Variants in RAD54B observed in about 807,000 individuals in gnomAD.
The protein encoded by RAD54B is DNA repair and recombination protein RAD54B.
Under a neutral mutation model 95.8 loss-of-function variants are expected in RAD54B, and 78 were observed. The observed-to-expected ratio is 0.81, with a 90% CI of 0.68 to 0.98. The LOEUF is 0.98. Ranked by LOEUF, RAD54B falls within the 50% of genes least tolerant of loss-of-function variation. The pLI is 0.00. For synonymous variants in RAD54B, 328 were observed against 354.9 expected (o/e 0.92, Z 0.85); for missense variants, 957 against 1,056.6 (o/e 0.91, Z 1.31).
At chr8:94,470,630 C>T (rs374323855) in intron 1 of RAD54B, among the ~76,000 whole-genome samples, 5 of 149,324 alleles carry the variant, frequency 3.3e-5, no homozygotes, top group Admixed American at 1.3e-4. Context: ...TGGTGGTACA[C>T]GCCTGTAATC....
chr8:94,448,182 CATT>C (rs1369600434), intron 3 of RAD54B, among the ~76,000 whole-genome samples: 15 of 152,016 alleles, frequency 9.9e-5, no homozygotes, highest in Non-Finnish European at 4.4e-5. Context: ...GGCTGAATGT[CATT>C]ATTATTTCAA....
chr8:94,427,056 T>C (rs530189186), intron 3 of RAD54B, among the ~76,000 whole-genome samples: 7 of 152,296 alleles, frequency 4.6e-5, no homozygotes, highest in Admixed American at 1.3e-4. Flanking sequence ...ATACTTACTA[T>C]AACTATCTTT....
intron 1 of RAD54B, among the ~76,000 whole-genome samples, chr8:94,472,352 C>T (rs1216081493): frequency 6.6e-6 from 1 of 152,104 alleles, no homozygotes; most frequent in African/African-American, 2.4e-5. Flanking sequence ...AATTGATTAA[C>T]GGTAACTGTC....
In RAD54B at chr8:94,430,508, G is replaced by A. The variant is rs1419606977; in HGVS notation, c.305-19193C>T. On this transcript the variant is annotated intron_variant, in intron 3 of 14. Transcript: ENST00000336148. ...TAGCATGCATCAGAATCGCTAAAGG[G>A]TTTATTAAAAGAGATTGCTGACACC... 6 of 919,396 alleles carry A rather than the reference G, an allele frequency of 6.5e-6. No homozygotes were observed. In the East Asian group the frequency reaches 5.9e-4, roughly 90 times the overall value. 57.0% of individuals were successfully genotyped at this position (919,396 alleles called of 1,614,324 possible).
intron 3 of RAD54B, chr8:94,431,334 TTATC>T: frequency 1.0e-6 from 1 of 980,192 alleles, no homozygotes; most frequent in Non-Finnish European, 1.2e-6. Context: ...ATGGAATACC[TTATC>T]TATTTTGCTG....
rs868381336 is a variant in RAD54B at position 94,429,738 on chromosome 8, T to C, written c.305-18423A>G. 4.1e-6 allele frequency: 4 copies of C among 984,190 alleles called. No homozygotes were observed. In the South Asian group the frequency reaches 1.9e-4, roughly 46 times the overall value. The allele number at this position is 984,190 out of a possible 1,614,324, so 61.0% of individuals were successfully genotyped here. ...TGTCAAAAGGATATATCAAGTTATA[T>C]ATTCAGGACATCTTTATAATTAAAG... On this transcript the variant is annotated intron_variant, in intron 3 of 14. Transcript: ENST00000336148.
intron 3 of RAD54B, chr8:94,429,409 T>C: frequency 1.1e-6 from 1 of 878,456 alleles, no homozygotes; most frequent in Non-Finnish European, 1.4e-6. Context: ...TTAACACAGA[T>C]CTCTTTTCTA....
intron 6 of RAD54B, among the ~76,000 whole-genome samples, chr8:94,401,738 T>C (rs563720349): frequency 1.3e-4 from 19 of 152,000 alleles, no homozygotes; most frequent in African/African-American, 4.6e-4. Context: ...TTTCAAGGTA[T>C]AGAGAAAAAA....
intron 3 of RAD54B, among the ~76,000 whole-genome samples, chr8:94,451,231 A>T (rs1025531762): frequency 2.6e-5 from 4 of 152,202 alleles, no homozygotes; most frequent in Non-Finnish European, 5.9e-5. Flanking sequence ...AAAACGCTCA[A>T]AAACTGATGG....
rs1439745666 is a variant in RAD54B at position 94,382,092 on chromosome 8, C to T, written c.1986-1686G>A. Among the ~76,000 whole-genome samples the T allele has an allele frequency of 8.1e-5, 11 of 135,878 alleles. No individual in the cohort carries two copies. The East Asian group carries it at 8.4e-4, about 10-fold the overall frequency. 89.1% of individuals were successfully genotyped at this position (135,878 alleles called of 152,430 possible). Reference sequence around the variant, plus strand: ...TCGCGCCACTGCACTCCAGCCTGGGCGACAGAGCAAGACTCCCTCTCAAAA... The same window carrying T: ...TCGCGCCACTGCACTCCAGCCTGGGTGACAGAGCAAGACTCCCTCTCAAAA... On this transcript the variant is annotated intron_variant, in intron 11 of 14. Coordinates refer to ENST00000336148, the MANE Select transcript of RAD54B (RefSeq NM_012415.3).
At chr8:94,423,722 A>C (rs1811876393) in intron 3 of RAD54B, among the ~76,000 whole-genome samples, 1 of 152,250 alleles carries the variant, frequency 6.6e-6, no homozygotes, top group Non-Finnish European at 1.5e-5. Context: ...GCATTAACAA[A>C]AGACAGAATA....
chr8:94,440,013 C>T (rs1279249758), intron 3 of RAD54B, among the ~76,000 whole-genome samples: 1 of 152,100 alleles, frequency 6.6e-6, no homozygotes, highest in African/African-American at 2.4e-5. Context: ...TGGCTTTGCA[C>T]GACCATTTCA....
intron 3 of RAD54B, chr8:94,428,849 T>C (rs1400125038): frequency 2.1e-5 from 21 of 983,724 alleles, no homozygotes; most frequent in African/African-American, 3.5e-5. Context: ...AAAGTCTCAA[T>C]ACAAAAAAGA....
chr8:94,383,552 A>T (rs1487193890), intron 11 of RAD54B, among the ~76,000 whole-genome samples: 4 of 152,216 alleles, frequency 2.6e-5, no homozygotes, highest in Non-Finnish European at 5.9e-5. Flanking sequence ...CTTTCACTAC[A>T]GTATACTGTT....
rs547526648 is a variant in RAD54B, at chr8:94,463,937, C to T, written c.135+3468G>A. Reference sequence around the variant, plus strand: ...AAGAAAGAAAGAAAAAAGAGAGAAACGAAAACACATATCCACACAAAAATT... The same window carrying T: ...AAGAAAGAAAGAAAAAAGAGAGAAATGAAAACACATATCCACACAAAAATT... On this transcript the variant is annotated intron_variant, in intron 2 of 14. Transcript: ENST00000336148. Among the ~76,000 whole-genome samples the T allele has an allele frequency of 4.9e-5, 7 of 142,234 alleles. No homozygotes were observed. In the East Asian group the frequency reaches 6.0e-4, roughly 12 times the overall value. 93.3% of individuals were successfully genotyped at this position (142,234 alleles called of 152,430 possible). A position where few individuals can be genotyped will look rare whatever the true frequency, so the allele number is the denominator to read the frequency against.
chr8:94,372,286 G>A lies in RAD54B; in HGVS notation c.2617C>T (p.Gln873Ter). The part of the protein sequence containing the change: ...LKPLSMSQLK[Q>*]WKHFSGDHLN... ...TGATCTCCAGAAAAATGTTTCCATT[G>A]CTTCAGCTGGGACATAGAAAGAGGT... Residue 873 changes from glutamine (Q) to a stop codon, truncating the protein, a stop_gained, in exon 15 of 15, where the codon CAA becomes TAA. Transcript: ENST00000336148. LOFTEE classifies it high-confidence loss of function. 1 of 1,613,586 alleles carries A rather than the reference G, an allele frequency of 6.2e-7. No homozygotes were observed. The highest frequency in any genetic ancestry group is 8.5e-7 in the Non-Finnish European group (1 of 1,179,858).
At chr8:94,390,001 A>G (rs16916796) in intron 10 of RAD54B, among the ~76,000 whole-genome samples, 58,296 of 151,746 alleles carry the variant, frequency 0.38, 11,370 homozygotes, top group Admixed American at 0.5. Flanking sequence ...ACCGTGCTTC[A>G]TGCCCAAAGG....
chr8:94,378,279 C>T lies in RAD54B; in HGVS notation c.2416G>A (p.Val806Ile). 6.2e-7 allele frequency: 1 copy of T among 1,613,708 alleles called. No homozygotes were observed. The highest frequency in any genetic ancestry group is 8.5e-7 in the Non-Finnish European group (1 of 1,179,830). Reference protein sequence around the residue: ...TKTSEHIQFSVEELKNLFTLH... With the variant: ...TKTSEHIQFSIEELKNLFTLH... ...GTGAACAAATTTTTAAGTTCTTCTA[C>T]TGAAAACTGAATATGTTCAGATGTC... The change falls in exon 14 of 15, where the codon GTA becomes ATA. Residue 806 changes from valine to isoleucine, a missense_variant. By Grantham distance (29) the Val-to-Ile change is conservative. Coordinates refer to ENST00000336148, the MANE Select transcript of RAD54B (RefSeq NM_012415.3).
At chr8:94,381,995 T>TC (rs1412718986) in intron 11 of RAD54B, among the ~76,000 whole-genome samples, 1 of 151,344 alleles carries the variant, frequency 6.6e-6, no homozygotes, top group Non-Finnish European at 1.5e-5. Flanking sequence ...GCGCCTGTAG[T>TC]CCCAGCTACT....
Sources: allele counts gnomAD v4.1 joint callset (sites outside exome capture counted in the v4.1 genomes callset), GRCh38; gene constraint gnomAD v4.1.1; transcripts MANE v1.5; gene names NCBI Gene and HGNC (gene_info 2026-07-23, HGNC 2026-07-21).